FSTL5: variants seen among roughly 807,000 people sequenced by gnomAD.
FSTL5 encodes follistatin like 5, also known as follistatin-related protein 5.
Under a neutral mutation model 89.1 loss-of-function variants are expected in FSTL5, and 62 were observed. That is an observed-to-expected ratio of 0.70 (90% confidence interval 0.57 to 0.86). The LOEUF is 0.86. Ranked by LOEUF, FSTL5 falls within the 40% of genes least tolerant of loss-of-function variation. The probability of loss-of-function intolerance (pLI) is 0.00; values close to 1 mark genes in which losing one functional copy is unlikely to be tolerated. For synonymous variants in FSTL5, 383 were observed against 346.2 expected (o/e 1.11, Z -1.18); for missense variants, 1,057 against 1,001.6 (o/e 1.06, Z -0.75).
intron 6 of FSTL5, among the ~76,000 whole-genome samples, chr4:161,676,998 A>G (rs1302990568): frequency 6.6e-6 from 1 of 152,050 alleles, no homozygotes; most frequent in East Asian, 1.9e-4. Flanking sequence ...TAAAAATAAC[A>G]ATATATTTTT....
At chr4:161,531,716 A>G (rs1731417495) in intron 10 of FSTL5, among the ~76,000 whole-genome samples, 1 of 152,188 alleles carries the variant, frequency 6.6e-6, no homozygotes, top group Non-Finnish European at 1.5e-5. Context: ...AGTGGAGTCC[A>G]TGTTTTAAAT....
intron 13 of FSTL5, among the ~76,000 whole-genome samples, chr4:161,475,776 G>C (rs892454474): frequency 3.3e-5 from 5 of 150,388 alleles, no homozygotes; most frequent in Non-Finnish European, 6.0e-5. Flanking sequence ...TTGAGAGGGA[G>C]TCTCACTCTG....
chr4:161,961,407 C>T lies in FSTL5; in HGVS notation c.161-40755G>A, dbSNP rs371879006. ...GATTGCAGGCAAGGACCCCCATGCCCGGTTTATCTTAAAATGTTAAATATC... is the reference window on the plus strand; with the variant it reads ...GATTGCAGGCAAGGACCCCCATGCCTGGTTTATCTTAAAATGTTAAATATC... On this transcript the variant is annotated intron_variant, in intron 3 of 15. Coordinates refer to ENST00000306100, the MANE Select transcript of FSTL5 (RefSeq NM_020116.5). Among the ~76,000 whole-genome samples, 256 of 152,046 alleles carry T rather than the reference C, an allele frequency of 1.7e-3. 7 individuals carry two copies. The South Asian group carries it at 0.051, about 30-fold the overall frequency.
chr4:161,821,616 T>C (rs1730496329), intron 4 of FSTL5, among the ~76,000 whole-genome samples: 1 of 152,188 alleles, frequency 6.6e-6, no homozygotes, highest in Non-Finnish European at 1.5e-5. Context: ...ATTATTCTTA[T>C]GCCTTTGCAT....
At chr4:162,117,917 AT>A (rs1731707676) in intron 1 of FSTL5, among the ~76,000 whole-genome samples, 1 of 152,230 alleles carries the variant, frequency 6.6e-6, no homozygotes, top group Admixed American at 6.5e-5. Flanking sequence ...GATTTTTATT[AT>A]TCTTTATGGA....
At chr4:161,857,788 T>C (rs766266431) in intron 4 of FSTL5, among the ~76,000 whole-genome samples, 50 of 152,196 alleles carry the variant, frequency 3.3e-4, no homozygotes, top group South Asian at 8.3e-4. Flanking sequence ...TAATTCTCTT[T>C]TTCTTCCTTG....
intron 7 of FSTL5, among the ~76,000 whole-genome samples, chr4:161,606,159 C>A (rs1734430614): frequency 6.6e-6 from 1 of 151,476 alleles, no homozygotes; most frequent in Non-Finnish European, 1.5e-5. Flanking sequence ...GTAAACCCGG[C>A]CAAGATCAGT....
At chr4:161,442,612 T>C (rs1732810723) in intron 15 of FSTL5, among the ~76,000 whole-genome samples, 1 of 152,086 alleles carries the variant, frequency 6.6e-6, no homozygotes, top group Non-Finnish European at 1.5e-5. Context: ...AGCCAGATAT[T>C]CAGAGAAACT....
At chr4:161,922,648 A>G (rs1734023698) in intron 3 of FSTL5, among the ~76,000 whole-genome samples, 1 of 151,882 alleles carries the variant, frequency 6.6e-6, no homozygotes, top group South Asian at 2.1e-4. Flanking sequence ...ACTTTAGGGC[A>G]CTGACTTACT....
At chr4:162,034,941 C>A (rs1158007051) in intron 2 of FSTL5, among the ~76,000 whole-genome samples, 2 of 152,120 alleles carry the variant, frequency 1.3e-5, no homozygotes, top group African/African-American at 4.8e-5. Flanking sequence ...TGTTTGAATT[C>A]TGTTCTGCTC....
intron 3 of FSTL5, among the ~76,000 whole-genome samples, chr4:162,013,231 A>G (rs1488731331): frequency 6.6e-6 from 1 of 152,046 alleles, no homozygotes; most frequent in Admixed American, 6.6e-5. Context: ...GTCTATTACA[A>G]TTGACTCATT....
chr4:161,835,288 A>C (rs1054974950), intron 4 of FSTL5, among the ~76,000 whole-genome samples: 1 of 152,138 alleles, frequency 6.6e-6, no homozygotes, highest in African/African-American at 2.4e-5. Context: ...CTTACACCTT[A>C]TACAAAAATT....
chr4:161,581,002 C>T (rs1012564715), intron 8 of FSTL5, among the ~76,000 whole-genome samples: 4 of 152,100 alleles, frequency 2.6e-5, no homozygotes, highest in Admixed American at 2.0e-4. Flanking sequence ...TGAAATGATA[C>T]ATGGCCAATA....
chr4:162,155,303 G>T (rs1411699341), intron 1 of FSTL5, among the ~76,000 whole-genome samples: 1 of 152,178 alleles, frequency 6.6e-6, no homozygotes, highest in African/African-American at 2.4e-5. Context: ...TAATTCTTCT[G>T]CCGACCTTGA....
intron 15 of FSTL5, among the ~76,000 whole-genome samples, chr4:161,428,827 T>C (rs1560890477): frequency 6.6e-6 from 1 of 152,078 alleles, no homozygotes; most frequent in Non-Finnish European, 1.5e-5. Flanking sequence ...GAGAGACTAC[T>C]TATGCTTGAG....
At chr4:161,732,955 C>T (rs908156185) in intron 6 of FSTL5, among the ~76,000 whole-genome samples, 4 of 149,836 alleles carry the variant, frequency 2.7e-5, no homozygotes, top group African/African-American at 9.8e-5. Flanking sequence ...TTTAAAATAA[C>T]TTTGGTTATT....
intron 15 of FSTL5, among the ~76,000 whole-genome samples, chr4:161,394,725 C>T (rs1730942775): frequency 6.6e-6 from 1 of 152,122 alleles, no homozygotes; most frequent in African/African-American, 2.4e-5. Flanking sequence ...ATGTAATATA[C>T]ATAAAATAGG....
intron 3 of FSTL5, among the ~76,000 whole-genome samples, chr4:161,923,087 C>A (rs947632353): frequency 1.3e-5 from 2 of 151,874 alleles, no homozygotes; most frequent in Non-Finnish European, 2.9e-5. Context: ...AGATCAGTTT[C>A]AAAAAGGCAA....
At chr4:162,130,883 T>G (rs72986917) in intron 1 of FSTL5, among the ~76,000 whole-genome samples, 15,967 of 152,110 alleles carry the variant, frequency 0.1, 1,156 homozygotes, top group African/African-American at 0.2. Context: ...ATGTTAACTT[T>G]ATCAATATTT....
Sources: allele counts gnomAD v4.1 joint callset (sites outside exome capture counted in the v4.1 genomes callset), GRCh38; gene constraint gnomAD v4.1.1; transcripts MANE v1.5; gene names NCBI Gene and HGNC (gene_info 2026-07-23, HGNC 2026-07-21).